PLS1: variants seen among roughly 807,000 people sequenced by gnomAD.
PLS1 encodes the protein plastin 1, also known as plastin-1.
A neutral mutation model predicts 73.7 loss-of-function variants in PLS1; 32 were observed. That is an observed-to-expected ratio of 0.43 (90% CI 0.33 to 0.58). The LOEUF is 0.58. PLS1 is among the 20% of genes least tolerant of loss of function. PLS1 has a pLI of 0.04. For synonymous variants in PLS1, 217 were observed against 261.3 expected (o/e 0.83, Z 1.63); for missense variants, 633 against 740.5 (o/e 0.85, Z 1.68).
At chr3:142,655,766 T>C (rs1423881952) in intron 1 of PLS1, among the ~76,000 whole-genome samples, 1 of 151,694 alleles carries the variant, frequency 6.6e-6, no homozygotes, top group Non-Finnish European at 1.5e-5. Context: ...TTAGTCAGTT[T>C]GGAACCAGTG....
chr3:142,678,220 C>A, intron 6 of PLS1, 107 bp downstream of exon 6: 1 of 443,768 alleles, frequency 2.3e-6, no homozygotes, highest in Non-Finnish European at 3.9e-6. Context: ...AATTGTAATG[C>A]TATTCTCCTA....
At chr3:142,634,623 G>T (rs2036637910) in intron 1 of PLS1, among the ~76,000 whole-genome samples, 2 of 151,988 alleles carry the variant, frequency 1.3e-5, no homozygotes, top group African/African-American at 2.4e-5. Context: ...AGTCAACCTA[G>T]AATTCTACAC....
At chr3:142,640,667 A>G (rs888698424) in intron 1 of PLS1, among the ~76,000 whole-genome samples, 2 of 152,150 alleles carry the variant, frequency 1.3e-5, no homozygotes, top group Non-Finnish European at 2.9e-5. Flanking sequence ...AATAACATGT[A>G]TGGGATCTGC....
intron 1 of PLS1, among the ~76,000 whole-genome samples, chr3:142,609,827 A>T (rs1356970622): frequency 6.6e-6 from 1 of 152,226 alleles, no homozygotes; most frequent in Non-Finnish European, 1.5e-5. Flanking sequence ...CTTTTACATT[A>T]TAATACTTCA....
chr3:142,614,787 C>T (rs1560030560), intron 1 of PLS1, among the ~76,000 whole-genome samples: 2 of 152,210 alleles, frequency 1.3e-5, no homozygotes, highest in East Asian at 3.9e-4. Flanking sequence ...GCTCCATCTG[C>T]TGCTTTCTTT....
At chr3:142,639,863 TG>T (rs1157968901) in intron 1 of PLS1, among the ~76,000 whole-genome samples, 8 of 152,192 alleles carry the variant, frequency 5.3e-5, no homozygotes, top group Non-Finnish European at 1.2e-4. Flanking sequence ...ATATCCCCTA[TG>T]ATGTTTGACA....
At chr3:142,683,718 G>A (rs534171480) in intron 6 of PLS1, among the ~76,000 whole-genome samples, 4 of 152,248 alleles carry the variant, frequency 2.6e-5, no homozygotes, top group Admixed American at 1.3e-4. Flanking sequence ...TGAGTTTGAG[G>A]TATTGGCAGA....
chr3:142,688,493 A>G (rs773862843), intron 9 of PLS1, among the ~76,000 whole-genome samples: 16 of 152,300 alleles, frequency 1.1e-4, no homozygotes, highest in Non-Finnish European at 1.9e-4. Context: ...ATCTAACAGG[A>G]AAACTAAAAC....
At chr3:142,653,008 T>C (rs1210674988) in intron 1 of PLS1, among the ~76,000 whole-genome samples, 5 of 152,214 alleles carry the variant, frequency 3.3e-5, no homozygotes, top group Admixed American at 6.5e-5. Flanking sequence ...TAAGTCCTTC[T>C]GTACAGCCAA....
chr3:142,704,425 C>T, intron 13 of PLS1, 38 bp from the exon 14 acceptor site: 8 of 1,544,628 alleles, frequency 5.2e-6, no homozygotes, highest in Non-Finnish European at 5.3e-6. Context: ...GCAAATTTCA[C>T]CCTTTTCAGT....
intron 1 of PLS1, among the ~76,000 whole-genome samples, chr3:142,629,039 C>G (rs890331522): frequency 6.6e-6 from 1 of 152,116 alleles, no homozygotes; most frequent in African/African-American, 2.4e-5. Flanking sequence ...ACACTTGTTT[C>G]AAGTTTGTTT....
Position 142,678,045 on chromosome 3 carries a change from T to G in PLS1, c.511T>G (p.Leu171Val), listed in dbSNP as rs1397818419. 4 of 1,520,830 alleles carry G rather than the reference T, an allele frequency of 2.6e-6. No homozygotes were observed. The highest frequency in any genetic ancestry group is 2.8e-5 in the African/African-American group (2 of 70,394). The allele number at this position is 1,520,830 out of a possible 1,614,324, so 94.2% of individuals were successfully genotyped here. A position where few individuals can be genotyped will look rare whatever the true frequency, so the allele number is the denominator to read the frequency against. The part of the protein sequence containing the change: ...DGILLCKMIN[L>V]SEPDTIDERA... ...TTTTCTCTTTAGCAAAATGATCAACTTATCTGAACCAGATACAATTGATGA... is the reference window on the plus strand; with the variant it reads ...TTTTCTCTTTAGCAAAATGATCAACGTATCTGAACCAGATACAATTGATGA... The change falls in exon 6 of 16, where the codon TTA becomes GTA. Residue 171 changes from leucine (L) to valine (V), a missense_variant. By Grantham distance (32) the Leu-to-Val change is conservative. Transcript: ENST00000457734.
At chr3:142,642,831 C>T (rs530331675) in intron 1 of PLS1, among the ~76,000 whole-genome samples, 12 of 152,286 alleles carry the variant, frequency 7.9e-5, no homozygotes, top group Admixed American at 3.3e-4. Context: ...GCTGAGACTA[C>T]AGGGAAGCAC....
At chr3:142,651,490 C>CA (rs1392625755) in intron 1 of PLS1, among the ~76,000 whole-genome samples, 3 of 138,158 alleles carry the variant, frequency 2.2e-5, no homozygotes, top group Admixed American at 1.4e-4. Flanking sequence ...AAAAAAAACC[C>CA]AAAAAACAAA....
Position 142,713,182 on chromosome 3 carries a change from T to A in PLS1, c.*1175T>A, listed in dbSNP as rs189542504. 1,256 of 152,734 alleles carry A rather than the reference T, an allele frequency of 8.2e-3. 8 individuals are homozygous for A. The highest frequency in any genetic ancestry group is 0.017 in the Middle Eastern group (5 of 294). 9.5% of individuals were successfully genotyped at this position (152,734 alleles called of 1,614,324 possible). ...TGGAAATCGCTACAGCTTGGACTAT[T>A]TTTTTCTAAATTTTTAGCATTAGTC... On this transcript the variant is annotated 3_prime_UTR_variant, in exon 16 of 16. Transcript: ENST00000457734.
intron 4 of PLS1, among the ~76,000 whole-genome samples, chr3:142,671,744 T>C (rs2037607763): frequency 1.3e-5 from 2 of 152,200 alleles, no homozygotes; most frequent in Admixed American, 6.5e-5. Context: ...TTGGCCAAGT[T>C]CTTTTTATTT....
chr3:142,632,367 CA>C (rs2036584086), intron 1 of PLS1, among the ~76,000 whole-genome samples: 1 of 152,244 alleles, frequency 6.6e-6, no homozygotes, highest in African/African-American at 2.4e-5. Context: ...GCATCAAAAT[CA>C]TAATGACATA....
chr3:142,676,049 G>C (rs1577876631), intron 4 of PLS1, 108 bp from the exon 5 acceptor site: 3 of 828,908 alleles, frequency 3.6e-6, no homozygotes, highest in East Asian at 5.2e-5. Flanking sequence ...TATTATCTTT[G>C]AGCAGAAATT....
At chr3:142,686,435 C>T in intron 9 of PLS1, 59 bp downstream of exon 9, 1 of 1,004,870 alleles carries the variant, frequency 1.0e-6, no homozygotes, top group Non-Finnish European at 1.6e-6. Context: ...AGAAAATTTA[C>T]CATTTTTATC....
Sources: gnomAD v4.1 joint callset for allele counts (sites outside exome capture counted in the v4.1 genomes callset) on GRCh38, gnomAD v4.1.1 for gene constraint, MANE v1.5 for transcripts, NCBI Gene and HGNC (gene_info 2026-07-23, HGNC 2026-07-21) for gene names.